The following NHS variants were observed in gnomAD, a reference collection of about 807,000 sequenced individuals.
The protein encoded by NHS is actin remodeling regulator NHS.
Under a neutral mutation model 72.5 loss-of-function variants are expected in NHS, and 5 were observed. The observed-to-expected ratio is 0.07, with a 90% CI of 0.04 to 0.14. NHS has a LOEUF of 0.14. Among genes scored for constraint, NHS ranks in the 10% least tolerant of loss-of-function variants. The probability of loss-of-function intolerance (pLI) is 1.00; values close to 1 mark genes in which losing one functional copy is unlikely to be tolerated. For missense variants in NHS, 1,072 were observed against 1,355.7 expected, an observed-to-expected ratio of 0.79 and a Z score of 3.29; for synonymous variants, 464 against 547.7, an observed-to-expected ratio of 0.85 and a Z score of 2.13.
chrX:17,692,571 T>C, intron 3 of NHS, 103 bp downstream of exon 3: 1 of 1,034,960 alleles, frequency 9.7e-7, no homozygotes. Context: ...CTGGGCTGGC[T>C]AAGAGCTCAA....
At chrX:17,601,784 A>G (rs1330653040) in intron 1 of NHS, among the ~76,000 whole-genome samples, 1 of 111,824 alleles carries the variant, frequency 8.9e-6, no homozygotes, top group Non-Finnish European at 1.9e-5. Context: ...TAGTTTTTAA[A>G]GGTTTGCTGT....
At chrX:17,695,662 A>G (rs976076415) in intron 3 of NHS, among the ~76,000 whole-genome samples, 1 of 111,551 alleles carries the variant, frequency 9.0e-6, no homozygotes, top group Non-Finnish European at 1.9e-5. Context: ...ACAAAGTGTC[A>G]TCTGTCTGGT....
chrX:17,480,307 A>T (rs2064941106), intron 1 of NHS, among the ~76,000 whole-genome samples: 1 of 112,180 alleles, frequency 8.9e-6, no homozygotes, highest in Non-Finnish European at 1.9e-5. Context: ...ACCAAAAAAA[A>T]GAGCCTGTAT....
intron 1 of NHS, among the ~76,000 whole-genome samples, chrX:17,487,272 G>C (rs772280972): frequency 8.9e-6 from 1 of 112,046 alleles, no homozygotes; most frequent in African/African-American, 3.2e-5. Context: ...ATGGAGTCCC[G>C]GGCCTTGCTT....
chrX:17,388,223 A>G (rs1482354876), intron 1 of NHS, among the ~76,000 whole-genome samples: 6 of 112,210 alleles, frequency 5.3e-5, no homozygotes, highest in Non-Finnish European at 1.1e-4. Context: ...ATCAGTAAAC[A>G]AAAAGTTACC....
chrX:17,502,326 A>G (rs751114311), intron 1 of NHS, among the ~76,000 whole-genome samples: 5 of 111,288 alleles, frequency 4.5e-5, no homozygotes, highest in African/African-American at 1.6e-4. Context: ...GGCAGTGGAC[A>G]GACACTGCCC....
intron 1 of NHS, among the ~76,000 whole-genome samples, chrX:17,415,607 A>G (rs1432225994): frequency 3.6e-5 from 4 of 111,924 alleles, no homozygotes; most frequent in Non-Finnish European, 7.5e-5. Flanking sequence ...ATGACCACCT[A>G]CAGAAACATG....
chrX:17,615,859 T>C (rs998306819), intron 1 of NHS, among the ~76,000 whole-genome samples: 4 of 98,946 alleles, frequency 4.0e-5, no homozygotes, highest in Non-Finnish European at 7.9e-5. Flanking sequence ...CCCACCCTGA[T>C]TGATATCCAT....
intron 3 of NHS, among the ~76,000 whole-genome samples, chrX:17,708,365 T>C (rs2066308523): frequency 8.9e-6 from 1 of 111,906 alleles, no homozygotes; most frequent in African/African-American, 3.2e-5. Flanking sequence ...AAACTACACA[T>C]GCTTCTCCAG....
chrX:17,549,152 AAAG>A (rs1201807836), intron 1 of NHS, among the ~76,000 whole-genome samples: 3 of 103,007 alleles, frequency 2.9e-5, no homozygotes, highest in Non-Finnish European at 5.9e-5. Context: ...AAAAAAAAAG[AAAG>A]AAAATGAAAG....
At chrX:17,629,980 A>T (rs2065817296) in intron 1 of NHS, among the ~76,000 whole-genome samples, 1 of 108,799 alleles carries the variant, frequency 9.2e-6, no homozygotes, top group African/African-American at 3.4e-5. Context: ...AGTTGCCTGC[A>T]TCTTGATCTG....
chrX:17,492,177 T>C (rs764226390), intron 1 of NHS, among the ~76,000 whole-genome samples: 94 of 111,776 alleles, frequency 8.4e-4, no homozygotes, highest in Non-Finnish European at 1.6e-3. Context: ...GTCTGCTAGC[T>C]TTTGAATTTG....
intron 1 of NHS, among the ~76,000 whole-genome samples, chrX:17,471,180 C>A (rs919863710): frequency 8.9e-6 from 1 of 112,462 alleles, no homozygotes; most frequent in African/African-American, 3.2e-5. Flanking sequence ...TTTCAAAGAA[C>A]CAGCTTTTGG....
chrX:17,509,206 A>ATTTATTT (rs2065073983), intron 1 of NHS, among the ~76,000 whole-genome samples: 1 of 98,218 alleles, frequency 1.0e-5, no homozygotes, highest in African/African-American at 3.8e-5. Flanking sequence ...AGTTACAAGT[A>ATTTATTT]ATTTATTTAT....
intron 1 of NHS, among the ~76,000 whole-genome samples, chrX:17,472,741 G>C (rs1174598679): frequency 8.9e-6 from 1 of 111,910 alleles, no homozygotes; most frequent in African/African-American, 3.2e-5. Context: ...TTTTAGAGTT[G>C]GATGGGAATC....
chrX:17,579,023 A>T (rs1245077749), intron 1 of NHS, among the ~76,000 whole-genome samples: 1 of 111,749 alleles, frequency 8.9e-6, no homozygotes, highest in Non-Finnish European at 1.9e-5. Context: ...CAAGTAACTC[A>T]CTCAGTAAAT....
intron 1 of NHS, among the ~76,000 whole-genome samples, chrX:17,432,230 T>C (rs1280829347): frequency 1.8e-5 from 2 of 112,369 alleles, no homozygotes; most frequent in African/African-American, 6.5e-5. Flanking sequence ...GGTTGACAAA[T>C]GTAATATATT....
intron 1 of NHS, among the ~76,000 whole-genome samples, chrX:17,474,228 T>C (rs1014332543): frequency 4.5e-5 from 5 of 112,023 alleles, no homozygotes; most frequent in Non-Finnish European, 9.4e-5. Context: ...CCTTTACTCT[T>C]GTATGAACTG....
In NHS at chrX:17,376,237, C is replaced by A. The variant is rs1354167277; in HGVS notation, c.480C>A (p.Thr160=). ...FQELESDIQL[T]HRRVWALQGK... ...AGCTCGAGAGCGACATCCAGCTCAC[C>A]CACCGCCGCGTCTGGGCGCTGCAGG... The change falls in exon 1 of 9, where the codon ACC becomes ACA. Residue 160 remains threonine (T), a synonymous_variant. Coordinates refer to ENST00000676302, the MANE Select transcript of NHS (RefSeq NM_001291867.2). 4 of 1,179,459 alleles carry A rather than the reference C, an allele frequency of 3.4e-6. No homozygotes were observed. In the East Asian group the frequency reaches 1.2e-4, roughly 36 times the overall value.
Sources: allele counts gnomAD v4.1 joint callset (sites outside exome capture counted in the v4.1 genomes callset), GRCh38; gene constraint gnomAD v4.1.1; transcripts MANE v1.5; gene names NCBI Gene and HGNC (gene_info 2026-07-23, HGNC 2026-07-21).